Variants in GRID1 observed in about 807,000 individuals in gnomAD.
GRID1 encodes glutamate receptor ionotropic, delta-1.
Under a neutral mutation model 98.0 loss-of-function variants are expected in GRID1, and 28 were observed. The ratio of observed to expected loss-of-function variants is 0.29; its 90% CI spans 0.21 to 0.39. GRID1 has a LOEUF of 0.39. Ranked by LOEUF, GRID1 falls within the 10% of genes least tolerant of loss-of-function variation. The probability of loss-of-function intolerance (pLI) is 1.00; values close to 1 mark genes in which losing one functional copy is unlikely to be tolerated. For missense variants in GRID1, 1,111 were observed against 1,340.5 expected, an observed-to-expected ratio of 0.83 and a Z score of 2.67; for synonymous variants, 553 against 538.5, an observed-to-expected ratio of 1.03 and a Z score of -0.37.
chr10:86,243,157 C>T (rs1046484497), intron 2 of GRID1, among the ~76,000 whole-genome samples: 4 of 152,054 alleles, frequency 2.6e-5, no homozygotes, highest in African/African-American at 7.2e-5. Flanking sequence ...TCAAGGAACC[C>T]GATGCAGGTG....
At chr10:85,712,789 T>C (rs1340835701) in intron 12 of GRID1, among the ~76,000 whole-genome samples, 12 of 151,598 alleles carry the variant, frequency 7.9e-5, no homozygotes, top group South Asian at 4.1e-4. Context: ...ATTTATAAAA[T>C]GTGGAAATTA....
intron 2 of GRID1, among the ~76,000 whole-genome samples, chr10:86,264,113 C>T (rs1241515649): frequency 6.6e-6 from 1 of 152,114 alleles, no homozygotes; most frequent in Non-Finnish European, 1.5e-5. Context: ...CACGCTGACC[C>T]ACAGAAGGTA....
intron 5 of GRID1, among the ~76,000 whole-genome samples, chr10:85,871,497 A>C (rs1306591083): frequency 6.6e-6 from 1 of 152,230 alleles, no homozygotes; most frequent in Non-Finnish European, 1.5e-5. Context: ...ACTCTTTCTA[A>C]GAAGGGACTA....
chr10:86,282,633 G>T (rs995283529), intron 2 of GRID1, among the ~76,000 whole-genome samples: 1 of 152,106 alleles, frequency 6.6e-6, no homozygotes, highest in Non-Finnish European at 1.5e-5. Context: ...AGTACCCAAG[G>T]GTGGGCACGG....
chr10:85,690,367 C>T (rs1321905173), intron 12 of GRID1, among the ~76,000 whole-genome samples: 2 of 152,264 alleles, frequency 1.3e-5, no homozygotes, highest in South Asian at 2.1e-4. Flanking sequence ...AAGGTCAGCA[C>T]TTTATGACAT....
rs1841797892 is a variant in GRID1, at chr10:85,729,408, C to T, written c.1335+105G>A. 4 of 659,982 alleles carry T rather than the reference C, an allele frequency of 6.1e-6. No homozygotes were observed. The South Asian group carries it at 7.7e-5, about 13-fold the overall frequency. The allele number at this position is 659,982 out of a possible 1,614,324, so 40.9% of individuals were successfully genotyped here. A position where few individuals can be genotyped will look rare whatever the true frequency, so the allele number is the denominator to read the frequency against. On this transcript the variant is annotated intron_variant, in intron 9 of 15. Transcript: ENST00000327946. ...AGGCCTTATGAAAGCTCACAATACT[C>T]CTCAAGATTCTCTTCTCCCCAAACC...
rs570883652 is a variant in GRID1, at chr10:85,933,494, A to G, written c.727-17255T>C. 9.2e-5 allele frequency among the ~76,000 whole-genome samples: 14 copies of G among 152,238 alleles called. No homozygotes were observed. The South Asian group carries it at 2.9e-3, about 32-fold the overall frequency. On this transcript the variant is annotated intron_variant, in intron 4 of 15. Transcript: ENST00000327946. ...ATAGCAGCACAAAATGGACTAAGAC[A>G]TAACTTATTTTCATACACTTTGGAA...
At chr10:85,913,001 T>C (rs1207316475) in intron 5 of GRID1, among the ~76,000 whole-genome samples, 2 of 152,198 alleles carry the variant, frequency 1.3e-5, no homozygotes, top group Non-Finnish European at 2.9e-5. Flanking sequence ...GAAACAGTAG[T>C]CCTGAGTATA....
chr10:86,284,768 C>T (rs2132070534), intron 2 of GRID1, among the ~76,000 whole-genome samples: 1 of 152,318 alleles, frequency 6.6e-6, no homozygotes, highest in South Asian at 2.1e-4. Context: ...CTGTCAGGAG[C>T]CAAAATCCCA....
At chr10:85,735,565 T>A (rs1256436697) in intron 8 of GRID1, among the ~76,000 whole-genome samples, 2 of 152,162 alleles carry the variant, frequency 1.3e-5, no homozygotes, top group Non-Finnish European at 2.9e-5. Context: ...TGTGGCCCTG[T>A]CCTTAATAAA....
At chr10:85,791,904 A>G (rs766899554) in intron 8 of GRID1, among the ~76,000 whole-genome samples, 6 of 152,110 alleles carry the variant, frequency 3.9e-5, no homozygotes, top group Non-Finnish European at 8.8e-5. Context: ...TGCAGGGGGC[A>G]TAGGGAGAGG....
chr10:85,634,280 C>T (rs1388624905), intron 13 of GRID1, among the ~76,000 whole-genome samples: 1 of 146,248 alleles, frequency 6.8e-6, no homozygotes. Flanking sequence ...CTCTCTCTCT[C>T]TCTCTCTCTC....
At chr10:85,679,393 T>C (rs1031643995) in intron 12 of GRID1, among the ~76,000 whole-genome samples, 4 of 152,338 alleles carry the variant, frequency 2.6e-5, no homozygotes, top group African/African-American at 9.6e-5. Context: ...GAAGAATGCA[T>C]ATTTTTGCAG....
chr10:85,647,292 C>T lies in GRID1; in HGVS notation c.2103G>A (p.Gln701=), dbSNP rs140852704. ...FRAKGTNPLE[Q]DSTFAELWRT... ...GCCAGAGTTCAGCAAACGTGCTGTC[C>T]TGCTCCAGGGGGTTGGTGCCCTTGG... Residue 701 remains glutamine, a synonymous_variant, in exon 13 of 16, where the codon CAG becomes CAA. Transcript: ENST00000327946. 6 of 1,614,116 alleles carry T rather than the reference C, an allele frequency of 3.7e-6. No homozygotes were observed. The highest frequency in any genetic ancestry group is 5.1e-6 in the Non-Finnish European group (6 of 1,180,030).
At chr10:85,705,681 T>C (rs1243712951) in intron 12 of GRID1, among the ~76,000 whole-genome samples, 1 of 152,202 alleles carries the variant, frequency 6.6e-6, no homozygotes, top group Non-Finnish European at 1.5e-5. Context: ...CCAATATCCC[T>C]GATGAACATC....
At chr10:86,026,520 A>C (rs1279479251) in intron 4 of GRID1, among the ~76,000 whole-genome samples, 1 of 152,150 alleles carries the variant, frequency 6.6e-6, no homozygotes, top group Admixed American at 6.5e-5. Context: ...TTTTGTTGAA[A>C]TCTCCACTGG....
chr10:86,046,522 T>G (rs1843427043), intron 4 of GRID1, among the ~76,000 whole-genome samples: 1 of 152,200 alleles, frequency 6.6e-6, no homozygotes, highest in Non-Finnish European at 1.5e-5. Flanking sequence ...AGTTCCAGGT[T>G]AATAGTCAGC....
At chr10:85,976,565 C>G (rs1278629031) in intron 4 of GRID1, among the ~76,000 whole-genome samples, 2 of 152,226 alleles carry the variant, frequency 1.3e-5, no homozygotes, top group Non-Finnish European at 2.9e-5. Flanking sequence ...CTTAGAAAAC[C>G]TGACCTACCC....
At chr10:85,980,402 A>C (rs1589322804) in intron 4 of GRID1, among the ~76,000 whole-genome samples, 1 of 152,194 alleles carries the variant, frequency 6.6e-6, no homozygotes, top group Non-Finnish European at 1.5e-5. Context: ...AAGGAAACTT[A>C]TGTTTCCATA....
Sources: allele counts gnomAD v4.1 joint callset (sites outside exome capture counted in the v4.1 genomes callset), GRCh38; gene constraint gnomAD v4.1.1; transcripts MANE v1.5; gene names NCBI Gene and HGNC (gene_info 2026-07-23, HGNC 2026-07-21).